Variants in NTRK2 observed in about 807,000 individuals in gnomAD.
NTRK2 encodes the protein BDNF/NT-3 growth factors receptor.
Under a neutral mutation model 94.5 loss-of-function variants are expected in NTRK2, and 13 were observed. The ratio of observed to expected loss-of-function variants is 0.14; its 90% CI spans 0.09 to 0.22. The LOEUF (loss-of-function observed/expected upper bound fraction) is 0.22, where lower values mean the gene tolerates loss of function less well. NTRK2 is among the 10% of genes least tolerant of loss of function. The pLI, the probability that NTRK2 is intolerant of heterozygous loss-of-function variation, is 1.00. For synonymous variants in NTRK2, 372 were observed against 407.4 expected, an observed-to-expected ratio of 0.91 and a Z score of 1.05; for missense variants, 639 against 1,071.2, an observed-to-expected ratio of 0.60 and a Z score of 5.63.
chr9:84,720,662 G>C (rs1463655815), intron 6 of NTRK2, among the ~76,000 whole-genome samples: 4 of 151,444 alleles, frequency 2.6e-5, no homozygotes, highest in Non-Finnish European at 4.4e-5. Flanking sequence ...AAGCACCAAA[G>C]AGAGAAAGAG....
chr9:84,934,109 C>A (rs2132716500), intron 14 of NTRK2, 53 bp from the exon 15 acceptor site: 2 of 1,609,642 alleles, frequency 1.2e-6, no homozygotes, highest in South Asian at 2.2e-5. Context: ...TCACCCGCTG[C>A]CTTCACCTCC....
At chr9:84,880,153 T>C (rs56960370) in intron 14 of NTRK2, among the ~76,000 whole-genome samples, 17,935 of 152,240 alleles carry the variant, frequency 0.12, 1,615 homozygotes, top group African/African-American at 0.25. Flanking sequence ...TCTCAGACTC[T>C]TTCTTGAGTG....
intron 9 of NTRK2, among the ~76,000 whole-genome samples, chr9:84,741,586 A>G (rs1182255431): frequency 6.6e-6 from 1 of 152,242 alleles, no homozygotes; most frequent in Non-Finnish European, 1.5e-5. Flanking sequence ...TATAAGAGAA[A>G]CAGTACCAAA....
rs75378231 is a variant in NTRK2 at position 84,725,190 on chromosome 9, G to C, written c.853+834G>C. Among the ~76,000 whole-genome samples the C allele has an allele frequency of 2.5e-3, 386 of 152,248 alleles. 4 individuals carry two copies. The highest frequency in any genetic ancestry group is 8.6e-3 in the African/African-American group (356 of 41,552). ...GTAAGTGTATGTCTGACTTACACAC[G>C]TGTAGACCCATGGCCATAGCTGGTA... On this transcript the variant is annotated intron_variant, in intron 8 of 18. Coordinates refer to ENST00000277120, the MANE Select transcript of NTRK2 (RefSeq NM_006180.6).
At chr9:84,954,561 C>T (rs1823867895) in intron 16 of NTRK2, among the ~76,000 whole-genome samples, 1 of 152,192 alleles carries the variant, frequency 6.6e-6, no homozygotes, top group Non-Finnish European at 1.5e-5. Flanking sequence ...TTGGCCATAG[C>T]CTGTGTTGAG....
intron 2 of NTRK2, among the ~76,000 whole-genome samples, chr9:84,697,806 G>T (rs2060479499): frequency 6.6e-6 from 1 of 152,144 alleles, no homozygotes. Flanking sequence ...GGTGGTCCAG[G>T]GAACCAAGAA....
intron 14 of NTRK2, among the ~76,000 whole-genome samples, chr9:84,896,349 A>G (rs937401216): frequency 2.0e-5 from 3 of 152,170 alleles, no homozygotes; most frequent in African/African-American, 7.2e-5. Flanking sequence ...GATGCCTGAA[A>G]CACTGCCCAG....
At chr9:85,005,078 A>G (rs1028990116) in intron 17 of NTRK2, among the ~76,000 whole-genome samples, 2 of 152,172 alleles carry the variant, frequency 1.3e-5, no homozygotes, top group Non-Finnish European at 2.9e-5. Flanking sequence ...ACTGTGAGGG[A>G]CACCCACACA....
At chr9:84,686,808 A>G (rs1363718863) in intron 2 of NTRK2, among the ~76,000 whole-genome samples, 3 of 152,244 alleles carry the variant, frequency 2.0e-5, no homozygotes, top group East Asian at 1.9e-4. Flanking sequence ...TGCTTGCAAA[A>G]CTCATCAAAA....
chr9:84,755,576 C>G lies in NTRK2; in HGVS notation c.1396+3491C>G, dbSNP rs987487197. ...TTTGGTTATTCCATATGAGTCATGG[C>G]CATAGATAAGAGATCAGTTTGTCCC... On this transcript the variant is annotated intron_variant, in intron 12 of 18. Transcript: ENST00000277120. Among the ~76,000 whole-genome samples the G allele has an allele frequency of 3.2e-5, 4 of 125,128 alleles. No homozygotes were observed. In the East Asian group the frequency reaches 9.6e-4, roughly 30 times the overall value. 82.1% of individuals were successfully genotyped at this position (125,128 alleles called of 152,430 possible).
chr9:84,813,251 C>G, intron 12 of NTRK2: 1 of 1,045,320 alleles, frequency 9.6e-7, no homozygotes, highest in Non-Finnish European at 1.2e-6. Flanking sequence ...GCCACTGTCC[C>G]CAGCCGCAGC....
intron 5 of NTRK2, among the ~76,000 whole-genome samples, chr9:84,708,254 T>G (rs904279765): frequency 1.3e-5 from 2 of 152,202 alleles, no homozygotes; most frequent in Admixed American, 1.3e-4. Flanking sequence ...CTCACAGCTC[T>G]GGTTTGGTTC....
chr9:84,912,989 A>G (rs2077288003), intron 14 of NTRK2, among the ~76,000 whole-genome samples: 2 of 152,070 alleles, frequency 1.3e-5, no homozygotes, highest in South Asian at 4.1e-4. Context: ...TTCTTAGTCC[A>G]TTTATCAATT....
intron 12 of NTRK2, among the ~76,000 whole-genome samples, chr9:84,779,097 A>G (rs1452923275): frequency 6.6e-6 from 1 of 152,178 alleles, no homozygotes; most frequent in Non-Finnish European, 1.5e-5. Context: ...TATTTATCAG[A>G]TTTATAAAAT....
intron 6 of NTRK2, among the ~76,000 whole-genome samples, chr9:84,719,536 A>C (rs906486033): frequency 5.3e-5 from 8 of 152,132 alleles, no homozygotes; most frequent in Non-Finnish European, 1.0e-4. Flanking sequence ...TTTCCAAACT[A>C]TTAGATACAT....
chr9:84,939,071 A>AG (rs10669252), intron 15 of NTRK2, among the ~76,000 whole-genome samples: 5 of 142,444 alleles, frequency 3.5e-5, no homozygotes, highest in African/African-American at 1.3e-4. Flanking sequence ...AAAAAAAAAA[A>AG]GAAAAGAAAA....
intron 14 of NTRK2, chr9:84,875,329 A>G (rs2076022366): frequency 9.4e-7 from 1 of 1,060,256 alleles, no homozygotes; most frequent in Non-Finnish European, 1.1e-6. Flanking sequence ...GGGTCTGGCC[A>G]TAGCTGGCCA....
intron 2 of NTRK2, among the ~76,000 whole-genome samples, chr9:84,693,701 C>T (rs1199895879): frequency 6.6e-6 from 1 of 152,050 alleles, no homozygotes; most frequent in Non-Finnish European, 1.5e-5. Flanking sequence ...TTCCCAACAA[C>T]CCTAGGAGGC....
At chr9:84,802,716 T>C (rs1232801180) in intron 12 of NTRK2, among the ~76,000 whole-genome samples, 2 of 152,212 alleles carry the variant, frequency 1.3e-5, no homozygotes, top group African/African-American at 2.4e-5. Flanking sequence ...AAGTTTCCTA[T>C]TGAGAATCTG....
Sources: gnomAD v4.1 joint callset for allele counts (sites outside exome capture counted in the v4.1 genomes callset) on GRCh38, gnomAD v4.1.1 for gene constraint, MANE v1.5 for transcripts, NCBI Gene and HGNC (gene_info 2026-07-23, HGNC 2026-07-21) for gene names.